Variants in SLC14A2 observed in about 807,000 individuals in gnomAD.
SLC14A2 encodes urea transporter 2.
Under a neutral mutation model 104.6 loss-of-function variants are expected in SLC14A2, and 91 were observed. The observed-to-expected ratio is 0.87, with a 90% CI of 0.73 to 1.04. The LOEUF is 1.04. Among genes scored for constraint, SLC14A2 ranks in the 50% least tolerant of loss-of-function variants. The pLI is 0.00. For synonymous variants in SLC14A2, 476 were observed against 466.4 expected (o/e 1.02, Z -0.27); for missense variants, 1,189 against 1,156.0 (o/e 1.03, Z -0.41).
chr18:45,617,155 A>C (rs2045086438), intron 1 of SLC14A2, among the ~76,000 whole-genome samples: 1 of 152,208 alleles, frequency 6.6e-6, no homozygotes, highest in African/African-American at 2.4e-5. Flanking sequence ...AGATTCTTCC[A>C]AACACAAGCT....
chr18:45,654,928 G>A (rs1464005630), intron 10 of SLC14A2, among the ~76,000 whole-genome samples: 1 of 152,154 alleles, frequency 6.6e-6, no homozygotes, highest in Non-Finnish European at 1.5e-5. Flanking sequence ...GCTGAGTTGG[G>A]CCTCTGGGAT....
At position 45,233,758 on chromosome 18, in the gene SLC14A2, G is replaced by A. The variant is rs965426787; in HGVS notation, c.-125+20567G>A. 4.8e-4 allele frequency among the ~76,000 whole-genome samples: 24 copies of A among 49,748 alleles called. No individual in the cohort carries two copies. The South Asian group carries it at 0.011, about 23-fold the overall frequency. 32.6% of individuals were successfully genotyped at this position (49,748 alleles called of 152,430 possible). A position where few individuals can be genotyped will look rare whatever the true frequency, so the allele number is the denominator to read the frequency against. On this transcript the variant is annotated intron_variant, in intron 1 of 20. Transcript: ENST00000586448. ...TCATCACTTTCCCGCCCCACCCCCC[G>A]CTTCCCCCGCCCCGACTCCCCCTTC...
rs114067505 is a variant in SLC14A2 at position 45,299,856 on chromosome 18, G to A, written c.-125+86665G>A. 3.3e-5 allele frequency among the ~76,000 whole-genome samples: 5 copies of A among 152,224 alleles called. No individual in the cohort carries two copies. In the East Asian group the frequency reaches 7.7e-4, roughly 23 times the overall value. ...TTGTCTCAAGTCCTGGCCTGAGAGA[G>A]GCAGAAAGTTTCTAGTACTTGTCGT... is the stretch of plus-strand genomic sequence containing the variant. On this transcript the variant is annotated intron_variant, in intron 1 of 20. Coordinates refer to the SLC14A2 transcript ENST00000586448.
chr18:45,322,249 C>T (rs2144241288), intron 1 of SLC14A2, among the ~76,000 whole-genome samples: 1 of 152,266 alleles, frequency 6.6e-6, no homozygotes, highest in East Asian at 1.9e-4. Context: ...TAGTGTTGGA[C>T]ATATACTGGT....
At chr18:45,554,852 G>A (rs1368585319) in intron 2 of SLC14A2, among the ~76,000 whole-genome samples, 27 of 152,156 alleles carry the variant, frequency 1.8e-4, no homozygotes, top group Admixed American at 1.8e-3. Context: ...CTTCAAACCT[G>A]GGCATCCATG....
chr18:45,385,668 G>A (rs1419982744), intron 1 of SLC14A2, among the ~76,000 whole-genome samples: 1 of 152,092 alleles, frequency 6.6e-6, no homozygotes, highest in Non-Finnish European at 1.5e-5. Context: ...AAAGAACTGA[G>A]GTGTAAGTGA....
intron 1 of SLC14A2, among the ~76,000 whole-genome samples, chr18:45,373,370 C>T (rs2085742452): frequency 6.6e-6 from 1 of 152,154 alleles, no homozygotes; most frequent in South Asian, 2.1e-4. Context: ...CTTTCTTCTC[C>T]CAAAAGTCTA....
chr18:45,252,943 CA>C (rs909755844), intron 1 of SLC14A2, among the ~76,000 whole-genome samples: 23 of 151,958 alleles, frequency 1.5e-4, no homozygotes, highest in African/African-American at 5.6e-4. Context: ...AACATTTCTA[CA>C]GATAAGATAA....
At chr18:45,655,271 AG>A (rs1477366717) in intron 10 of SLC14A2, among the ~76,000 whole-genome samples, 2 of 152,240 alleles carry the variant, frequency 1.3e-5, no homozygotes, top group Non-Finnish European at 2.9e-5. Flanking sequence ...TTCTCTGATC[AG>A]AGAATGGACA....
At chr18:45,630,381 C>G (rs2045324574) in intron 4 of SLC14A2, among the ~76,000 whole-genome samples, 2 of 152,138 alleles carry the variant, frequency 1.3e-5, no homozygotes, top group East Asian at 3.9e-4. Context: ...TTTAATCACC[C>G]CCGCTGTCCC....
At chr18:45,282,192 C>G (rs78846260) in intron 1 of SLC14A2, among the ~76,000 whole-genome samples, 2,033 of 152,222 alleles carry the variant, frequency 0.013, 38 homozygotes, top group African/African-American at 0.046. Context: ...CTGGTGACAC[C>G]TTCAGAAGAG....
chr18:45,571,075 C>CAG (rs896952593), intron 2 of SLC14A2, among the ~76,000 whole-genome samples: 3 of 152,188 alleles, frequency 2.0e-5, no homozygotes, highest in African/African-American at 7.2e-5. Flanking sequence ...CTAGACTCCT[C>CAG]AGAGTTTATT....
intron 1 of SLC14A2, among the ~76,000 whole-genome samples, chr18:45,395,876 T>C (rs1371404556): frequency 6.6e-6 from 1 of 152,128 alleles, no homozygotes; most frequent in Non-Finnish European, 1.5e-5. Flanking sequence ...CCCTCACCCA[T>C]ATAAACACTG....
chr18:45,414,694 G>A (rs1332881568), intron 1 of SLC14A2, among the ~76,000 whole-genome samples: 1 of 142,022 alleles, frequency 7.0e-6, no homozygotes, highest in African/African-American at 2.7e-5. Flanking sequence ...AATTCATCTA[G>A]GATACAGTGG....
chr18:45,467,298 G>A (rs527605857), intron 1 of SLC14A2, among the ~76,000 whole-genome samples: 5 of 152,270 alleles, frequency 3.3e-5, no homozygotes, highest in South Asian at 2.1e-4. Context: ...AACTGGTATT[G>A]GAGTTCTAGT....
At chr18:45,539,127 G>A (rs1207080978) in intron 2 of SLC14A2, among the ~76,000 whole-genome samples, 2 of 150,318 alleles carry the variant, frequency 1.3e-5, no homozygotes, top group Non-Finnish European at 3.0e-5. Context: ...CTGGAGAGTC[G>A]AGGTCCTCTG....
At chr18:45,513,751 A>G (rs551909914) in intron 2 of SLC14A2, among the ~76,000 whole-genome samples, 2 of 152,332 alleles carry the variant, frequency 1.3e-5, no homozygotes, top group South Asian at 2.1e-4. Flanking sequence ...ACACAAAGAC[A>G]TATCTCTGGG....
At chr18:45,192,652 G>T in the SLC14A2 span, among the ~76,000 whole-genome samples, 4 of 146,914 alleles carry the variant, frequency 2.7e-5, no homozygotes, top group African/African-American at 7.9e-5. Flanking sequence ...TTTTTGTTTT[G>T]TTTTGTTTTG....
intron 1 of SLC14A2, among the ~76,000 whole-genome samples, chr18:45,301,984 A>T (rs1208761303): frequency 6.6e-6 from 1 of 152,052 alleles, no homozygotes; most frequent in Admixed American, 6.6e-5. Context: ...TTTCTCTACA[A>T]TGCCAGCCCT....
Sources: allele counts gnomAD v4.1 joint callset (sites outside exome capture counted in the v4.1 genomes callset), GRCh38; gene constraint gnomAD v4.1.1; transcripts MANE v1.5; gene names NCBI Gene and HGNC (gene_info 2026-07-23, HGNC 2026-07-21).